Variants in SLC39A14 observed in about 807,000 individuals in gnomAD.
SLC39A14 encodes metal cation symporter ZIP14.
Under a neutral mutation model 45.5 loss-of-function variants are expected in SLC39A14, and 19 were observed. The ratio of observed to expected loss-of-function variants is 0.42; its 90% CI spans 0.29 to 0.61. The LOEUF is 0.61. SLC39A14 is among the 20% of genes least tolerant of loss of function. The probability of loss-of-function intolerance (pLI) is 0.22; values close to 1 mark genes in which losing one functional copy is unlikely to be tolerated. For missense variants in SLC39A14, 447 were observed against 616.5 expected (o/e 0.73, Z 2.91); for synonymous variants, 264 against 251.3 (o/e 1.05, Z -0.48).
intron 1 of SLC39A14, among the ~76,000 whole-genome samples, chr8:22,381,659 A>G (rs1409234283): frequency 6.6e-6 from 1 of 152,272 alleles, no homozygotes; most frequent in African/African-American, 2.4e-5. Flanking sequence ...TACTAAAAGC[A>G]GAAACTTTAA....
chr8:22,429,069 G>A (rs766358651), intron 8 of SLC39A14, among the ~76,000 whole-genome samples: 1 of 151,900 alleles, frequency 6.6e-6, no homozygotes, highest in East Asian at 2.0e-4. Flanking sequence ...TCAGGAGATC[G>A]AGACCATCCT....
chr8:22,391,665 G>T (rs1379916784), intron 1 of SLC39A14, among the ~76,000 whole-genome samples: 1 of 152,024 alleles, frequency 6.6e-6, no homozygotes, highest in Non-Finnish European at 1.5e-5. Flanking sequence ...CTGTCTCCCG[G>T]GTTCAAGCAA....
downstream of SLC39A14, among the ~76,000 whole-genome samples, chr8:22,426,697 T>C (rs895769823): frequency 3.3e-5 from 5 of 152,064 alleles, no homozygotes; most frequent in African/African-American, 1.2e-4. Flanking sequence ...TCTCTCTTTT[T>C]TTTTGAGATG....
chr8:22,407,009 G>T (rs540099293), intron 2 of SLC39A14, among the ~76,000 whole-genome samples: 92 of 152,216 alleles, frequency 6.0e-4, no homozygotes, highest in Non-Finnish European at 1.8e-4. Context: ...TGGAGCTGCA[G>T]ATTTCACAGG....
At chr8:22,414,967 T>C in intron 5 of SLC39A14, 65 bp downstream of exon 5, 2 of 1,563,982 alleles carry the variant, frequency 1.3e-6, no homozygotes, top group South Asian at 1.2e-5. Context: ...ACAATGTTGA[T>C]GTATTGTGGT....
At position 22,417,858 on chromosome 8, in the gene SLC39A14, G is replaced by A. The variant is rs1835982279; in HGVS notation, c.1332+23G>A. The A allele has an allele frequency of 1.9e-6, 3 of 1,600,476 alleles. No individual in the cohort carries two copies. In the African/African-American group the frequency reaches 4.0e-5, roughly 21 times the overall value. On this transcript the variant is annotated intron_variant, in intron 8 of 8. Transcript: ENST00000381237. ...ATGGTAAGTGTTCCACAGTTCACTG[G>A]ATGAGAGGGCGGCTAAGGGGATGGA...
At chr8:22,416,527 C>G (rs1057507961) in intron 7 of SLC39A14, among the ~76,000 whole-genome samples, 4 of 152,000 alleles carry the variant, frequency 2.6e-5, no homozygotes, top group African/African-American at 9.7e-5. Flanking sequence ...TGGGTTCAAG[C>G]GATTCTCCTG....
Position 22,389,045 on chromosome 8 carries a change from G to A in SLC39A14, c.-15-15651G>A, listed in dbSNP as rs536116424. Among the ~76,000 whole-genome samples the A allele has an allele frequency of 1.3e-4, 20 of 152,314 alleles. No individual in the cohort carries two copies. In the South Asian group the frequency reaches 1.7e-3, roughly 13 times the overall value. ...GACGACGCAGGGGCTGGGCTGGAAG[G>A]GGCCGGCGCTGAGCAGCGGCGCTTC... On this transcript the variant is annotated intron_variant, in intron 1 of 8. Transcript: ENST00000381237.
intron 1 of SLC39A14, among the ~76,000 whole-genome samples, chr8:22,383,869 G>A (rs1193304010): frequency 2.0e-5 from 3 of 152,126 alleles, no homozygotes; most frequent in Non-Finnish European, 4.4e-5. Flanking sequence ...TAATTCTCAG[G>A]ATACCAGGTC....
At chr8:22,426,635 AG>A (rs33912808), downstream of SLC39A14, among the ~76,000 whole-genome samples, 2,823 of 152,298 alleles carry the variant, frequency 0.019, 73 homozygotes, top group African/African-American at 0.064. Context: ...CTCCCAGAGG[AG>A]GCTCCTGAAC....
chr8:22,409,301 G>A (rs1306588747), intron 3 of SLC39A14, among the ~76,000 whole-genome samples: 3 of 152,104 alleles, frequency 2.0e-5, no homozygotes, highest in Non-Finnish European at 4.4e-5. Context: ...CCTGAGTGTC[G>A]GCACCCGGAA....
chr8:22,397,552 TG>T (rs1834569040), intron 1 of SLC39A14, among the ~76,000 whole-genome samples: 1 of 151,290 alleles, frequency 6.6e-6, no homozygotes, highest in Non-Finnish European at 1.5e-5. Flanking sequence ...CACTCCGGCC[TG>T]GGCGAAAGAG....
At chr8:22,399,814 G>A (rs1039514377) in intron 1 of SLC39A14, among the ~76,000 whole-genome samples, 5 of 152,266 alleles carry the variant, frequency 3.3e-5, no homozygotes, top group African/African-American at 1.2e-4. Context: ...TGCCAGCCAG[G>A]CAAAGCTGCT....
rs893441703 is a variant in SLC39A14 at position 22,430,517 on chromosome 8, A to G, written c.1333-3374A>G. Among the ~76,000 whole-genome samples the G allele has an allele frequency of 2.6e-5, 4 of 152,298 alleles. No individual in the cohort carries two copies. The East Asian group carries it at 5.8e-4, about 22-fold the overall frequency. ...GTCCCTGATTCTAAATTTTTGGTCCAAGCAACTTGAATGCCAGTGCTGTTT... is the reference window on the plus strand; with the variant it reads ...GTCCCTGATTCTAAATTTTTGGTCCGAGCAACTTGAATGCCAGTGCTGTTT... On this transcript the variant is annotated intron_variant, in intron 8 of 8. Coordinates refer to the SLC39A14 transcript ENST00000240095.
At chr8:22,403,717 G>C (rs1835023680) in intron 1 of SLC39A14, among the ~76,000 whole-genome samples, 1 of 151,650 alleles carries the variant, frequency 6.6e-6, no homozygotes, top group Admixed American at 6.6e-5. Context: ...CCAGGAGTTT[G>C]AGACGAGCGG....
intron 1 of SLC39A14, among the ~76,000 whole-genome samples, chr8:22,389,663 C>T (rs1346199287): frequency 2.0e-5 from 3 of 152,042 alleles, no homozygotes; most frequent in Non-Finnish European, 4.4e-5. Context: ...CTCCCCTCCC[C>T]GGGGTGGCGA....
chr8:22,433,576 C>T lies in SLC39A14; in HGVS notation c.1333-315C>T, dbSNP rs139740702. Among the ~76,000 whole-genome samples the T allele has an allele frequency of 2.8e-3, 395 of 141,718 alleles. 1 individual carries two copies. The highest frequency in any genetic ancestry group is 7.3e-3 in the Admixed American group (101 of 13,900). 93.0% of individuals were successfully genotyped at this position (141,718 alleles called of 152,430 possible). A position where few individuals can be genotyped will look rare whatever the true frequency, so the allele number is the denominator to read the frequency against. On this transcript the variant is annotated intron_variant, in intron 8 of 8. Coordinates refer to the SLC39A14 transcript ENST00000240095. ...TTTTTTTTTTTGAGACAGGGTCTCA[C>T]TCTGTCACCAAGGCTGGAATGCAGT...
chr8:22,411,846 C>T, intron 3 of SLC39A14, 191 bp from the exon 4 acceptor site: 2 of 565,384 alleles, frequency 3.5e-6, no homozygotes, highest in Non-Finnish European at 6.3e-6. Flanking sequence ...AACAAATTTT[C>T]TATTTCTCTC....
At chr8:22,407,501 C>T (rs1213897693) in intron 2 of SLC39A14, among the ~76,000 whole-genome samples, 6 of 151,638 alleles carry the variant, frequency 4.0e-5, no homozygotes, top group African/African-American at 2.4e-5. Context: ...GCTGGGATTA[C>T]AGGCGTGAGC....
Sources: gnomAD v4.1 joint callset for allele counts (sites outside exome capture counted in the v4.1 genomes callset) on GRCh38, gnomAD v4.1.1 for gene constraint, MANE v1.5 for transcripts, NCBI Gene and HGNC (gene_info 2026-07-23, HGNC 2026-07-21) for gene names.